SIPA1L1: variants seen among roughly 807,000 people sequenced by gnomAD.
SIPA1L1 encodes signal-induced proliferation-associated 1-like protein 1.
Under a neutral mutation model 162.7 loss-of-function variants are expected in SIPA1L1, and 26 were observed. The observed-to-expected ratio is 0.16, with a 90% CI of 0.12 to 0.22. The LOEUF (loss-of-function observed/expected upper bound fraction) is 0.22. Ranked by LOEUF, SIPA1L1 falls within the 10% of genes least tolerant of loss-of-function variation. The probability of loss-of-function intolerance (pLI) is 1.00; values close to 1 mark genes in which losing one functional copy is unlikely to be tolerated. For synonymous variants in SIPA1L1, 829 were observed against 837.4 expected (o/e 0.99, Z 0.17); for missense variants, 1,874 against 2,241.0 (o/e 0.84, Z 3.31).
At chr14:71,722,917 G>A (rs1419489090) in intron 17 of SIPA1L1, among the ~76,000 whole-genome samples, 18 of 152,044 alleles carry the variant, frequency 1.2e-4, no homozygotes, top group Non-Finnish European at 2.5e-4. Context: ...TGTATTTTTA[G>A]TAGAGACAGG....
chr14:71,447,981 C>T (rs1010567696), intron 2 of SIPA1L1, among the ~76,000 whole-genome samples: 1 of 152,118 alleles, frequency 6.6e-6, no homozygotes, highest in Non-Finnish European at 1.5e-5. Context: ...TGTTGAGCCC[C>T]TCTGGTCAGT....
chr14:71,415,443 G>A (rs1566992970), intron 2 of SIPA1L1, among the ~76,000 whole-genome samples: 1 of 152,112 alleles, frequency 6.6e-6, no homozygotes, highest in African/African-American at 2.4e-5. Flanking sequence ...CTGAAAAACT[G>A]TCTTTGAAAA....
At chr14:71,651,691 A>G (rs1263100126) in intron 8 of SIPA1L1, among the ~76,000 whole-genome samples, 1 of 152,206 alleles carries the variant, frequency 6.6e-6, no homozygotes, top group Non-Finnish European at 1.5e-5. Flanking sequence ...AGGATCTGGG[A>G]AGAGAATGTG....
intron 6 of SIPA1L1, among the ~76,000 whole-genome samples, chr14:71,619,825 T>C (rs1396625904): frequency 2.0e-5 from 3 of 152,154 alleles, no homozygotes. Context: ...AAGCCTGAAC[T>C]CCGGGGAAAT....
chr14:71,606,068 G>A (rs992741210), intron 5 of SIPA1L1, among the ~76,000 whole-genome samples: 3 of 152,166 alleles, frequency 2.0e-5, no homozygotes, highest in Non-Finnish European at 4.4e-5. Context: ...CACTGGCTAT[G>A]GTGGGCAGGG....
chr14:71,543,675 C>T (rs1167863648), intron 4 of SIPA1L1, among the ~76,000 whole-genome samples: 2 of 149,982 alleles, frequency 1.3e-5, no homozygotes, highest in East Asian at 3.9e-4. Flanking sequence ...TGCTGATTGG[C>T]CATTCATGCG....
intron 15 of SIPA1L1, chr14:71,704,676 G>C: frequency 1.4e-6 from 2 of 1,462,718 alleles, no homozygotes. Flanking sequence ...GGAAGCAATT[G>C]TTTTAAGTAA....
At chr14:71,664,060 A>G (rs2149280509) in intron 10 of SIPA1L1, among the ~76,000 whole-genome samples, 1 of 152,348 alleles carries the variant, frequency 6.6e-6, no homozygotes, top group Middle Eastern at 3.4e-3. Context: ...GTGTTTGAAG[A>G]CACAGAATAA....
chr14:71,342,401 A>G (rs905417143), intron 2 of SIPA1L1, among the ~76,000 whole-genome samples: 1 of 152,184 alleles, frequency 6.6e-6, no homozygotes, highest in African/African-American at 2.4e-5. Context: ...GAAATCTCCA[A>G]ACTGCTTTCC....
chr14:71,684,216 A>G (rs1318640140), intron 12 of SIPA1L1, among the ~76,000 whole-genome samples: 1 of 152,244 alleles, frequency 6.6e-6, no homozygotes, highest in East Asian at 1.9e-4. Flanking sequence ...GCACTTTCCA[A>G]CAACAAAAAC....
At chr14:71,632,856 T>A (rs1286695957) in intron 7 of SIPA1L1, among the ~76,000 whole-genome samples, 1 of 152,164 alleles carries the variant, frequency 6.6e-6, no homozygotes, top group Non-Finnish European at 1.5e-5. Context: ...ATTTTTTCCA[T>A]ACCAGAATGG....
In SIPA1L1 at chr14:71,609,697, C is replaced by A. The variant is rs146723938; in HGVS notation, c.1499-9060C>A. ...GGCCAGGATGGTCTGCAACTCCTGACCTCAAGCAATCCATCCACCTCGGCC... is the reference window on the plus strand; with the variant it reads ...GGCCAGGATGGTCTGCAACTCCTGAACTCAAGCAATCCATCCACCTCGGCC... On this transcript the variant is annotated intron_variant, in intron 5 of 23. Coordinates refer to ENST00000381232, the MANE Select transcript of SIPA1L1 (RefSeq NM_001386936.1). Among the ~76,000 whole-genome samples the A allele has an allele frequency of 4.3e-4, 65 of 152,110 alleles. 1 individual carries two copies. The East Asian group carries it at 0.012, about 28-fold the overall frequency.
At chr14:71,733,176 A>T (rs1044271135) in intron 20 of SIPA1L1, among the ~76,000 whole-genome samples, 2 of 152,198 alleles carry the variant, frequency 1.3e-5, no homozygotes, top group Non-Finnish European at 2.9e-5. Context: ...ATGCCACTGC[A>T]CTCCAGCCTG....
chr14:71,489,833 A>G (rs1425519297), intron 2 of SIPA1L1, among the ~76,000 whole-genome samples: 1 of 152,220 alleles, frequency 6.6e-6, no homozygotes, highest in African/African-American at 2.4e-5. Flanking sequence ...TGGGTTGGAC[A>G]GGCTTGTAAA....
intron 10 of SIPA1L1, among the ~76,000 whole-genome samples, chr14:71,669,979 T>C (rs1435522933): frequency 2.0e-5 from 3 of 152,184 alleles, no homozygotes. Context: ...ACAGAGCTCT[T>C]CAATTTTATT....
At chr14:71,530,608 G>A (rs1280875797) in intron 4 of SIPA1L1, among the ~76,000 whole-genome samples, 1 of 152,010 alleles carries the variant, frequency 6.6e-6, no homozygotes, top group East Asian at 1.9e-4. Flanking sequence ...TTTTTGATTA[G>A]CAGAAAAACA....
intron 19 of SIPA1L1, 120 bp downstream of exon 19, chr14:71,724,955 C>A: frequency 2.4e-6 from 2 of 833,664 alleles, no homozygotes; most frequent in Non-Finnish European, 3.8e-6. Flanking sequence ...CTAAGTCTCA[C>A]TTCCTGCTAT....
chr14:71,333,770 A>G (rs1394270849), intron 2 of SIPA1L1, among the ~76,000 whole-genome samples: 1 of 152,220 alleles, frequency 6.6e-6, no homozygotes, highest in East Asian at 1.9e-4. Context: ...TGACATCTTT[A>G]AAGAGTGACA....
chr14:71,728,904 G>T (rs1206719182), intron 19 of SIPA1L1, among the ~76,000 whole-genome samples: 1 of 152,172 alleles, frequency 6.6e-6, no homozygotes, highest in Non-Finnish European at 1.5e-5. Flanking sequence ...TCAGAAGCTT[G>T]CTATTTGCAG....
Sources: gnomAD v4.1 joint callset for allele counts (sites outside exome capture counted in the v4.1 genomes callset) on GRCh38, gnomAD v4.1.1 for gene constraint, MANE v1.5 for transcripts, NCBI Gene and HGNC (gene_info 2026-07-23, HGNC 2026-07-21) for gene names.